The following GSN variants were observed in gnomAD, a reference collection of about 807,000 sequenced individuals.
The protein encoded by GSN is actin-depolymerizing factor.
A neutral mutation model predicts 85.7 loss-of-function variants in GSN; 56 were observed. The observed-to-expected ratio is 0.65, with a 90% CI of 0.53 to 0.82. The LOEUF is 0.82. GSN is among the 40% of genes least tolerant of loss of function. The pLI is 0.00. For synonymous variants in GSN, 373 were observed against 399.1 expected (o/e 0.93, Z 0.78); for missense variants, 857 against 979.8 (o/e 0.87, Z 1.67).
chr9:121,226,838 G>C (rs377389545), intron 4 of GSN, among the ~76,000 whole-genome samples: 12 of 152,196 alleles, frequency 7.9e-5, no homozygotes, highest in African/African-American at 2.9e-4. Context: ...GGCGCTTTCA[G>C]CCCCACCTCC....
chr9:121,318,883 A>T lies in GSN; in HGVS notation c.1191+3A>T. On this transcript the variant is annotated splice_donor_region_variant and intron_variant, in intron 10 of 17. Coordinates refer to ENST00000432226, the MANE Select transcript of GSN (RefSeq NM_198252.3). This position sits in a 1 kb window ranked among gnomAD's most constrained non-coding sequence, Gnocchi z 4.3. ...ACGATGGCACAGGCCAGAAACAGGT[A>T]CGTTTAGGGCGTGGGGTGGGTGTGT... 1 of 1,611,136 alleles carries T rather than the reference A, an allele frequency of 6.2e-7. No homozygotes were observed. Among genetic ancestry groups the T allele is most frequent in the East Asian group, 2.2e-5 (1 of 44,862 alleles).
chr9:121,312,052 C>G, intron 5 of GSN: 1 of 361,352 alleles, frequency 2.8e-6, no homozygotes, highest in South Asian at 3.8e-5. Context: ...AATGGTTGTG[C>G]CAATTTATAT....
intron 10 of GSN, among the ~76,000 whole-genome samples, chr9:121,320,153 T>C (rs2062230613): frequency 6.6e-6 from 1 of 152,204 alleles, no homozygotes; most frequent in African/African-American, 2.4e-5. Context: ...CCTTCAAGAA[T>C]GTTCAAAATC....
At chr9:121,271,829 G>C (rs2056020533) in intron 1 of GSN, among the ~76,000 whole-genome samples, 1 of 152,216 alleles carries the variant, frequency 6.6e-6, no homozygotes, top group South Asian at 2.1e-4. Flanking sequence ...GCTCCAAAAG[G>C]ACACAGGACT....
intron 5 of GSN, chr9:121,311,280 G>T (rs796860816): frequency 6.2e-5 from 15 of 240,494 alleles, no homozygotes; most frequent in African/African-American, 3.1e-4. Flanking sequence ...CTATGGCAAT[G>T]TGTGTGGGAT....
intron 2 of GSN, among the ~76,000 whole-genome samples, chr9:121,296,936 G>A (rs1330796397): frequency 6.6e-6 from 1 of 152,206 alleles, no homozygotes; most frequent in South Asian, 2.1e-4. Flanking sequence ...GATCATTAAC[G>A]TGGTCCCTGG....
chr9:121,256,955 C>T (rs540949908), intron 6 of GSN, among the ~76,000 whole-genome samples: 1 of 152,064 alleles, frequency 6.6e-6, no homozygotes, highest in East Asian at 1.9e-4. Context: ...TTATAATTAA[C>T]AATAATTTAT....
At chr9:121,324,743 G>C in intron 12 of GSN, 99 bp downstream of exon 12, 1 of 700,992 alleles carries the variant, frequency 1.4e-6, no homozygotes, top group Non-Finnish European at 2.6e-6. Context: ...TTGTCCATCT[G>C]TCTGTCTGTC....
intron 5 of GSN, among the ~76,000 whole-genome samples, chr9:121,231,941 C>T (rs1292413406): frequency 2.0e-5 from 3 of 152,140 alleles, no homozygotes; most frequent in East Asian, 3.9e-4. Flanking sequence ...GTGGCGGGTG[C>T]CTGTAAATCC....
chr9:121,318,608 TG>T lies in GSN; in HGVS notation c.976-53del. The T allele has an allele frequency of 6.7e-7, 1 of 1,501,074 alleles. No homozygotes were observed. The highest frequency in any genetic ancestry group is 1.7e-4 in the Middle Eastern group (1 of 5,860). 93.0% of individuals were successfully genotyped at this position (1,501,074 alleles called of 1,614,324 possible). ...GTGGATGGGGTATCTGAGGCTCCCCTGGGGACCCCTGCTGGGCAGCCCAGCC... is the reference window on the plus strand; with the variant it reads ...GTGGATGGGGTATCTGAGGCTCCCCTGGGACCCCTGCTGGGCAGCCCAGCC... On this transcript the variant is annotated intron_variant, in intron 9 of 17. Transcript: ENST00000432226. The surrounding 1 kb of genome is among the most constrained non-coding windows in gnomAD (Gnocchi z 4.3).
intron 4 of GSN, among the ~76,000 whole-genome samples, chr9:121,230,212 CAAA>C (rs2054360878): frequency 1.3e-5 from 2 of 152,138 alleles, no homozygotes; most frequent in Non-Finnish European, 2.9e-5. Context: ...ATTCCAGGCT[CAAA>C]TTTTACCCTT....
At chr9:121,315,198 C>G (rs1024039511) in intron 7 of GSN, among the ~76,000 whole-genome samples, 1 of 152,178 alleles carries the variant, frequency 6.6e-6, no homozygotes, top group African/African-American at 2.4e-5. Context: ...ACTATTCATG[C>G]TGTTGTGTGG....
chr9:121,235,975 A>G (rs920601026), intron 5 of GSN, among the ~76,000 whole-genome samples: 1 of 152,224 alleles, frequency 6.6e-6, no homozygotes, highest in Non-Finnish European at 1.5e-5. Flanking sequence ...ATAACAAAGT[A>G]TCATGAACTG....
At chr9:121,260,723 C>T (rs903995642) in intron 6 of GSN, among the ~76,000 whole-genome samples, 1 of 152,158 alleles carries the variant, frequency 6.6e-6, no homozygotes, top group Non-Finnish European at 1.5e-5. Flanking sequence ...AGAGGAGACA[C>T]GGGGTGGAAC....
chr9:121,299,709 G>A lies in GSN; in HGVS notation c.-9-2254G>A. The stretch of plus-strand genomic sequence containing the variant: ...CGCCCTGTCGGGTCGATCCGGGTGG[G>A]AACCCAGATGTCTCCAAGATCCGAG... On this transcript the variant is annotated intron_variant, in intron 2 of 17. Transcript: ENST00000432226. This position sits in a 1 kb window ranked among gnomAD's most constrained non-coding sequence, Gnocchi z 4.2. 1.0e-6 allele frequency: 1 copy of A among 954,556 alleles called. No individual in the cohort carries two copies. The highest frequency in any genetic ancestry group is 1.7e-5 in the African/African-American group (1 of 57,792). The allele number at this position is 954,556 out of a possible 1,614,324, so 59.1% of individuals were successfully genotyped here. A position where few individuals can be genotyped will look rare whatever the true frequency, so the allele number is the denominator to read the frequency against.
At chr9:121,274,271 A>G (rs1331839389) in intron 1 of GSN, among the ~76,000 whole-genome samples, 1 of 152,104 alleles carries the variant, frequency 6.6e-6, no homozygotes, top group Non-Finnish European at 1.5e-5. Flanking sequence ...TTGTTATGGT[A>G]GAAATAAATG....
intron 11 of GSN, 144 bp downstream of exon 11, chr9:121,321,545 T>C (rs2062452669): frequency 1.5e-6 from 1 of 688,224 alleles, no homozygotes; most frequent in Non-Finnish European, 2.5e-6. Flanking sequence ...GGCAACACCA[T>C]TTGCTTATTT....
chr9:121,223,804 C>A (rs982901627), intron 4 of GSN, among the ~76,000 whole-genome samples: 1 of 151,888 alleles, frequency 6.6e-6, no homozygotes, highest in Non-Finnish European at 1.5e-5. Flanking sequence ...GGATTACAGG[C>A]GTGTGCCACC....
chr9:121,214,797 G>A (rs980587066), intron 4 of GSN, among the ~76,000 whole-genome samples: 1 of 152,164 alleles, frequency 6.6e-6, no homozygotes, highest in South Asian at 2.1e-4. Flanking sequence ...TAGCATCTAT[G>A]CCTTAGATGG....
Sources: allele counts gnomAD v4.1 joint callset (sites outside exome capture counted in the v4.1 genomes callset), GRCh38; gene constraint gnomAD v4.1.1; non-coding constraint Gnocchi (gnomAD v3.1); transcripts MANE v1.5; gene names NCBI Gene and HGNC (gene_info 2026-07-23, HGNC 2026-07-21).